Variants in BRINP3 observed in about 807,000 individuals in gnomAD.
BRINP3 encodes BMP/retinoic acid-inducible neural-specific protein 3.
BRINP3 carries 19 observed loss-of-function variants against 71.0 expected under a neutral mutation model. The ratio of observed to expected loss-of-function variants is 0.27; its 90% confidence interval spans 0.19 to 0.39. The LOEUF (loss-of-function observed/expected upper bound fraction) is 0.39. BRINP3 is among the 10% of genes least tolerant of loss of function. BRINP3 has a pLI of 1.00. For missense variants in BRINP3, 959 were observed against 940.8 expected (o/e 1.02, Z -0.25); for synonymous variants, 380 against 337.7 (o/e 1.13, Z -1.37).
intron 3 of BRINP3, among the ~76,000 whole-genome samples, chr1:190,265,996 C>T (rs1322403447): frequency 2.0e-5 from 3 of 152,092 alleles, no homozygotes; most frequent in Non-Finnish European, 4.4e-5. Context: ...GGTTCTCAAA[C>T]GTAAAACGTA....
intron 2 of BRINP3, among the ~76,000 whole-genome samples, chr1:190,322,041 T>C (rs1666280271): frequency 6.6e-6 from 1 of 152,010 alleles, no homozygotes; most frequent in African/African-American, 2.4e-5. Context: ...TGTGCATATA[T>C]ATGTGTGCAT....
At chr1:190,370,825 G>C (rs998427972) in intron 2 of BRINP3, among the ~76,000 whole-genome samples, 1 of 152,038 alleles carries the variant, frequency 6.6e-6, no homozygotes, top group African/African-American at 2.4e-5. Context: ...TCATCTTTTT[G>C]ACAATAGACT....
At chr1:190,109,730 G>A (rs767555082) in intron 7 of BRINP3, among the ~76,000 whole-genome samples, 1 of 152,202 alleles carries the variant, frequency 6.6e-6, no homozygotes, top group East Asian at 1.9e-4. Context: ...ACTCTCTTCT[G>A]GAGTTGGCAA....
chr1:190,382,837 A>G (rs2102258660), intron 2 of BRINP3, among the ~76,000 whole-genome samples: 1 of 152,298 alleles, frequency 6.6e-6, no homozygotes. Context: ...TTACGAGCCT[A>G]GAAGTTCAAG....
intron 2 of BRINP3, among the ~76,000 whole-genome samples, chr1:190,405,168 G>T (rs1571965519): frequency 6.6e-6 from 1 of 151,804 alleles, no homozygotes; most frequent in South Asian, 2.1e-4. Flanking sequence ...AATCAGAAAC[G>T]TGGCCGGGCA....
chr1:190,199,629 C>T (rs1231659900), intron 6 of BRINP3, among the ~76,000 whole-genome samples: 1 of 151,836 alleles, frequency 6.6e-6, no homozygotes, highest in Non-Finnish European at 1.5e-5. Flanking sequence ...TTATTGGATA[C>T]AATTCTGATG....
Position 190,474,489 on chromosome 1 carries a change from C to T in BRINP3, c.-51+2959G>A, listed in dbSNP as rs1266915325. On this transcript the variant is annotated intron_variant, in intron 1 of 7. Coordinates refer to ENST00000367462, the MANE Select transcript of BRINP3 (RefSeq NM_199051.3). ...AAATCTGAATCATCTGTCTTCCAAG[C>T]TGCTGTGGCAGTTTTATATCCTGGT... The T allele has an allele frequency of 2.6e-5, 4 of 152,768 alleles. No homozygotes were observed. The East Asian group carries it at 7.7e-4, about 29-fold the overall frequency. The allele number at this position is 152,768 out of a possible 1,614,324, so 9.5% of individuals were successfully genotyped here. A position where few individuals can be genotyped will look rare whatever the true frequency, so the allele number is the denominator to read the frequency against.
At chr1:190,383,481 C>T (rs1205841411) in intron 2 of BRINP3, among the ~76,000 whole-genome samples, 1 of 151,996 alleles carries the variant, frequency 6.6e-6, no homozygotes, top group Non-Finnish European at 1.5e-5. Context: ...CTAAAAATTT[C>T]CAGAACATAT....
intron 6 of BRINP3, among the ~76,000 whole-genome samples, chr1:190,224,169 C>T (rs1657126901): frequency 6.6e-6 from 1 of 151,358 alleles, no homozygotes; most frequent in South Asian, 2.1e-4. Context: ...TCAAAAGATA[C>T]CCAAATAACT....
intron 2 of BRINP3, among the ~76,000 whole-genome samples, chr1:190,292,728 T>G (rs1020327544): frequency 2.0e-5 from 3 of 152,168 alleles, no homozygotes; most frequent in African/African-American, 7.2e-5. Flanking sequence ...ATCTTTGTAC[T>G]CACTATTGGT....
At chr1:190,302,561 G>A (rs1281828228) in intron 2 of BRINP3, 1 of 151,736 alleles carries the variant, frequency 6.6e-6, no homozygotes, top group Non-Finnish European at 1.5e-5. Flanking sequence ...AGTTACACAT[G>A]ATTATTCATA....
At chr1:190,341,103 C>T (rs538097921) in intron 2 of BRINP3, among the ~76,000 whole-genome samples, 39 of 151,824 alleles carry the variant, frequency 2.6e-4, no homozygotes, top group Admixed American at 1.4e-3. Context: ...AGATGAAATC[C>T]GTGGTCCAGT....
chr1:190,162,982 T>TA (rs956516171), intron 6 of BRINP3, among the ~76,000 whole-genome samples: 8 of 152,022 alleles, frequency 5.3e-5, no homozygotes, highest in Non-Finnish European at 7.4e-5. Context: ...TCTTTTTATT[T>TA]AAAAAAATGA....
chr1:190,407,299 CCTGG>C (rs1558258731), intron 2 of BRINP3, among the ~76,000 whole-genome samples: 8 of 152,088 alleles, frequency 5.3e-5, no homozygotes, highest in African/African-American at 1.9e-4. Context: ...AAATATGCAT[CCTGG>C]ATTATTTCTG....
At chr1:190,436,363 G>A (rs1358447160) in intron 2 of BRINP3, among the ~76,000 whole-genome samples, 3 of 151,714 alleles carry the variant, frequency 2.0e-5, no homozygotes, top group African/African-American at 7.3e-5. Context: ...CCAAACCATA[G>A]GTGGACAACG....
intron 2 of BRINP3, among the ~76,000 whole-genome samples, chr1:190,354,160 G>A (rs376548931): frequency 1.3e-3 from 202 of 151,954 alleles, no homozygotes; most frequent in African/African-American, 4.5e-3. Flanking sequence ...TTCATGGCAG[G>A]CTTCCTAAGT....
At chr1:190,169,261 C>T (rs568096802) in intron 6 of BRINP3, among the ~76,000 whole-genome samples, 143 of 152,240 alleles carry the variant, frequency 9.4e-4, no homozygotes, top group African/African-American at 3.3e-3. Context: ...TTCTTCATAT[C>T]CCCTTAATAA....
intron 2 of BRINP3, among the ~76,000 whole-genome samples, chr1:190,427,508 G>A (rs1445524871): frequency 6.6e-6 from 1 of 151,894 alleles, no homozygotes; most frequent in Non-Finnish European, 1.5e-5. Flanking sequence ...GTTTTTATTT[G>A]AAATGCACAG....
chr1:190,263,535 T>C (rs1661375857), intron 4 of BRINP3, among the ~76,000 whole-genome samples: 1 of 152,042 alleles, frequency 6.6e-6, no homozygotes, highest in Non-Finnish European at 1.5e-5. Flanking sequence ...TGGAGCAATC[T>C]TCCGAGCATT....
Sources: gnomAD v4.1 joint callset for allele counts (sites outside exome capture counted in the v4.1 genomes callset) on GRCh38, gnomAD v4.1.1 for gene constraint, MANE v1.5 for transcripts, NCBI Gene and HGNC (gene_info 2026-07-23, HGNC 2026-07-21) for gene names.